GLI3: variants seen among roughly 807,000 people sequenced by gnomAD.
GLI3 encodes GLI family zinc finger 3, also known as transcription activator GLI3.
A neutral mutation model predicts 100.8 loss-of-function variants in GLI3; 20 were observed. The ratio of observed to expected loss-of-function variants is 0.20; its 90% CI spans 0.14 to 0.29. The LOEUF (loss-of-function observed/expected upper bound fraction) is 0.29, where lower values mean the gene tolerates loss of function less well. Among genes scored for constraint, GLI3 ranks in the 10% least tolerant of loss-of-function variants. The pLI, the probability that GLI3 is intolerant of heterozygous loss-of-function variation, is 1.00. For synonymous variants in GLI3, 938 were observed against 860.5 expected (o/e 1.09, Z -1.58); for missense variants, 2,040 against 2,128.5 (o/e 0.96, Z 0.82).
intron 11 of GLI3, among the ~76,000 whole-genome samples, chr7:41,978,311 C>T (rs1787563990): frequency 6.6e-6 from 1 of 152,234 alleles, no homozygotes; most frequent in Non-Finnish European, 1.5e-5. Flanking sequence ...GCTGGCACTT[C>T]CCTTTGCCTT....
At chr7:42,226,049 T>C (rs367752237) in intron 1 of GLI3, among the ~76,000 whole-genome samples, 1 of 152,260 alleles carries the variant, frequency 6.6e-6, no homozygotes, top group Non-Finnish European at 1.5e-5. Context: ...CAGTGTTTCG[T>C]TGAAAACTGG....
intron 2 of GLI3, among the ~76,000 whole-genome samples, chr7:42,206,326 T>C (rs1184430736): frequency 6.6e-6 from 1 of 151,742 alleles, no homozygotes; most frequent in Non-Finnish European, 1.5e-5. Flanking sequence ...AGGGATACTT[T>C]TAATCATGAC....
chr7:41,984,005 G>C (rs917738930), intron 10 of GLI3, among the ~76,000 whole-genome samples: 5 of 152,074 alleles, frequency 3.3e-5, no homozygotes, highest in East Asian at 1.9e-4. Context: ...CACTCCTTTG[G>C]GGCTCCGGGA....
intron 2 of GLI3, among the ~76,000 whole-genome samples, chr7:42,218,459 G>T (rs1282843355): frequency 4.1e-5 from 6 of 145,058 alleles, no homozygotes; most frequent in Non-Finnish European, 7.5e-5. Flanking sequence ...ACTTTTAAAG[G>T]CAAAAACCGC....
At chr7:42,197,428 T>A (rs948699115) in intron 2 of GLI3, among the ~76,000 whole-genome samples, 21 of 152,226 alleles carry the variant, frequency 1.4e-4, no homozygotes, top group Non-Finnish European at 1.2e-4. Flanking sequence ...AACTTGGGCA[T>A]CCTCTTCTTA....
At chr7:42,254,462 T>C (rs1204034757) in intron 1 of GLI3, among the ~76,000 whole-genome samples, 1 of 152,204 alleles carries the variant, frequency 6.6e-6, no homozygotes, top group Non-Finnish European at 1.5e-5. Flanking sequence ...CCGACTGGGT[T>C]GAATGCTGCT....
chr7:42,172,262 A>G (rs547175485), intron 2 of GLI3, among the ~76,000 whole-genome samples: 8 of 151,142 alleles, frequency 5.3e-5, no homozygotes, highest in African/African-American at 1.9e-4. Context: ...TAACTGCTCC[A>G]AAGGGCAGAG....
rs575623650 is a variant in GLI3 at position 42,085,288 on chromosome 7, G to T, written c.368-8431C>A. Among the ~76,000 whole-genome samples the T allele has an allele frequency of 1.1e-4, 16 of 152,272 alleles. No homozygotes were observed. In the East Asian group the frequency reaches 1.3e-3, roughly 13 times the overall value. On this transcript the variant is annotated intron_variant, in intron 3 of 14. Coordinates refer to ENST00000395925, the MANE Select transcript of GLI3 (RefSeq NM_000168.6). The stretch of plus-strand genomic sequence containing the variant: ...CCAACAACTGATCCACAAAGGGGAG[G>T]TTTGGAAGTTGTATTCTATTCAAAA...
intron 2 of GLI3, among the ~76,000 whole-genome samples, chr7:42,198,422 G>T (rs532051233): frequency 4.9e-4 from 75 of 152,258 alleles, no homozygotes; most frequent in African/African-American, 1.8e-3. Context: ...ACCATGAGGT[G>T]AGCTTTCCCA....
intron 2 of GLI3, among the ~76,000 whole-genome samples, chr7:42,164,887 T>A (rs1787208817): frequency 1.3e-5 from 2 of 150,668 alleles, no homozygotes; most frequent in African/African-American, 2.4e-5. Context: ...TTTGGTTTTT[T>A]TTTTTGTAAT....
rs1423449274 is a variant in GLI3, at chr7:41,963,674, A to G, written c.*656T>C. On this transcript the variant is annotated 3_prime_UTR_variant, in exon 15 of 15. Transcript: ENST00000395925. ...AAAACTGTGAGCGCCCATTTCATTT[A>G]TAAGAGCCCCACGTTCCCATTTCTG... The G allele has an allele frequency of 1.3e-5, 2 of 152,474 alleles. No homozygotes were observed. The highest frequency in any genetic ancestry group is 2.4e-5 in the African/African-American group (1 of 41,458). 9.4% of individuals were successfully genotyped at this position (152,474 alleles called of 1,614,324 possible).
intron 2 of GLI3, among the ~76,000 whole-genome samples, chr7:42,159,657 T>C (rs890990569): frequency 1.3e-5 from 2 of 152,258 alleles, no homozygotes; most frequent in Non-Finnish European, 2.9e-5. Flanking sequence ...TTTCAATTTC[T>C]TTTAATGATG....
chr7:42,119,307 G>A (rs551925114), intron 3 of GLI3, among the ~76,000 whole-genome samples: 12 of 152,284 alleles, frequency 7.9e-5, no homozygotes, highest in African/African-American at 2.4e-4. Context: ...TTTGAATCAC[G>A]TGGGGAATCT....
Position 42,076,415 on chromosome 7 carries a change from C to T in GLI3, c.473+337G>A, listed in dbSNP as rs1015105523. Among the ~76,000 whole-genome samples the T allele has an allele frequency of 2.6e-5, 4 of 152,320 alleles. No homozygotes were observed. The East Asian group carries it at 7.7e-4, about 29-fold the overall frequency. On this transcript the variant is annotated intron_variant, in intron 4 of 14. Transcript: ENST00000395925. ...GTTACAGAAATTTGAACATAACAAA[C>T]TTCAAACCTAATGTCGACCAAATAC...
chr7:42,238,570 C>A (rs1788883866), upstream of GLI3, among the ~76,000 whole-genome samples: 1 of 152,192 alleles, frequency 6.6e-6, no homozygotes, highest in South Asian at 2.1e-4. Flanking sequence ...ACAAAGACCC[C>A]AGGCTTGGAG....
chr7:42,222,982 C>T (rs1788514781), intron 2 of GLI3, 148 bp downstream of exon 2: 9 of 891,354 alleles, frequency 1.0e-5, no homozygotes, highest in East Asian at 4.9e-5. Flanking sequence ...CATGTCCCCC[C>T]GCCGTCCCCC....
intron 7 of GLI3, among the ~76,000 whole-genome samples, chr7:42,037,738 C>T (rs567486205): frequency 1.3e-5 from 2 of 152,276 alleles, no homozygotes; most frequent in Non-Finnish European, 2.9e-5. Flanking sequence ...ATCTCTTCTT[C>T]CATCTCTAAT....
At chr7:42,249,391 T>C (rs1583675113) in intron 1 of GLI3, among the ~76,000 whole-genome samples, 1 of 152,144 alleles carries the variant, frequency 6.6e-6, no homozygotes, top group African/African-American at 2.4e-5. Context: ...TTTTTTCCCC[T>C]CAACCATTAA....
intron 7 of GLI3, among the ~76,000 whole-genome samples, chr7:42,037,164 A>C (rs561165718): frequency 1.3e-5 from 2 of 152,214 alleles, no homozygotes; most frequent in Non-Finnish European, 2.9e-5. Flanking sequence ...AATAATAATA[A>C]CACCACTTGC....
Sources: gnomAD v4.1 joint callset for allele counts (sites outside exome capture counted in the v4.1 genomes callset) on GRCh38, gnomAD v4.1.1 for gene constraint, MANE v1.5 for transcripts, NCBI Gene and HGNC (gene_info 2026-07-23, HGNC 2026-07-21) for gene names.